NAV2: variants seen among roughly 807,000 people sequenced by gnomAD.
NAV2 encodes the protein helicase, APC down-regulated 1.
In NAV2, 54 loss-of-function variants were observed where a neutral mutation model predicts 223.2. The observed-to-expected ratio is 0.24, with a 90% CI of 0.19 to 0.30. The LOEUF (loss-of-function observed/expected upper bound fraction) is 0.30, where lower values mean the gene tolerates loss of function less well. NAV2 is among the 10% of genes least tolerant of loss of function. NAV2 has a pLI of 1.00. For missense variants in NAV2, 2,806 were observed against 3,147.5 expected, an observed-to-expected ratio of 0.89 and a Z score of 2.60; for synonymous variants, 1,279 against 1,239.3, an observed-to-expected ratio of 1.03 and a Z score of -0.67.
At chr11:19,621,400 T>G (rs866222051) in intron 1 of NAV2, among the ~76,000 whole-genome samples, 13 of 152,324 alleles carry the variant, frequency 8.5e-5, no homozygotes, top group Non-Finnish European at 1.6e-4. Flanking sequence ...TTTTTTTGGT[T>G]GGCAAGCTAG....
At chr11:19,370,217 A>C (rs888745287) in intron 1 of NAV2, among the ~76,000 whole-genome samples, 72 of 152,342 alleles carry the variant, frequency 4.7e-4, no homozygotes, top group African/African-American at 1.6e-3. Flanking sequence ...TGTACTCAAC[A>C]TATTTCCCTG....
chr11:19,614,560 C>G (rs2046738982), intron 1 of NAV2, among the ~76,000 whole-genome samples: 1 of 152,142 alleles, frequency 6.6e-6, no homozygotes, highest in East Asian at 1.9e-4. Context: ...GCAGTTGTTA[C>G]ACTCAATGAA....
rs565288823 is a variant in NAV2 at position 19,456,027 on chromosome 11, G to A, written c.75+105000G>A. Among the ~76,000 whole-genome samples the A allele has an allele frequency of 7.7e-4, 117 of 152,292 alleles. 3 individuals carry two copies. Among genetic ancestry groups the A allele is most frequent in the Non-Finnish European group, 1.2e-4 (8 of 68,022 alleles). ...GGGGGAGGGAAGGAGGCCAAGCCAG[G>A]CAGCACTAGCTTCTTCTGCTATTCA... On this transcript the variant is annotated intron_variant, in intron 1 of 37. Coordinates refer to the NAV2 transcript ENST00000360655.
intron 1 of NAV2, among the ~76,000 whole-genome samples, chr11:19,487,587 G>T (rs2042485679): frequency 6.6e-6 from 1 of 152,186 alleles, no homozygotes; most frequent in Non-Finnish European, 1.5e-5. Context: ...CTTTGGTGAA[G>T]TCAGAAGCCA....
At chr11:19,677,170 T>G (rs2048739245) in intron 1 of NAV2, among the ~76,000 whole-genome samples, 1 of 152,236 alleles carries the variant, frequency 6.6e-6, no homozygotes, top group Non-Finnish European at 1.5e-5. Context: ...GTACTGCCAC[T>G]TGGCACCCTG....
At chr11:19,891,235 G>A (rs2165798) in intron 5 of NAV2, among the ~76,000 whole-genome samples, 125,476 of 152,212 alleles carry the variant, frequency 0.82, 51,934 homozygotes, top group South Asian at 0.87. Context: ...ATTCAGACTT[G>A]TCACTAGATC....
intron 6 of NAV2, among the ~76,000 whole-genome samples, chr11:19,921,630 C>T (rs918427133): frequency 5.9e-5 from 9 of 152,148 alleles, no homozygotes; most frequent in African/African-American, 2.2e-4. Context: ...TTTGAGAGTC[C>T]TGTTTATTGT....
intron 1 of NAV2, among the ~76,000 whole-genome samples, chr11:19,764,159 A>G (rs1046328485): frequency 1.3e-5 from 2 of 152,248 alleles, no homozygotes; most frequent in Non-Finnish European, 2.9e-5. Context: ...TAGGTCTTAG[A>G]GGAAGCATTC....
intron 3 of NAV2, among the ~76,000 whole-genome samples, chr11:19,845,330 C>T (rs1217246766): frequency 6.6e-6 from 1 of 152,038 alleles, no homozygotes; most frequent in Non-Finnish European, 1.5e-5. Context: ...CTAAATATTG[C>T]CTGTTTGGAG....
At chr11:19,441,218 G>C (rs1009910928) in intron 1 of NAV2, among the ~76,000 whole-genome samples, 13 of 152,158 alleles carry the variant, frequency 8.5e-5, no homozygotes, top group African/African-American at 2.9e-4. Flanking sequence ...CTGGACCCTG[G>C]GGATCATCTA....
intron 5 of NAV2, among the ~76,000 whole-genome samples, chr11:19,887,330 C>A (rs754108755): frequency 6.6e-6 from 1 of 151,924 alleles, no homozygotes; most frequent in Non-Finnish European, 1.5e-5. Context: ...TATTGCCTCC[C>A]GGCCTCCCTG....
intron 1 of NAV2, among the ~76,000 whole-genome samples, chr11:19,386,968 A>T (rs1451828368): frequency 6.6e-6 from 1 of 152,148 alleles, no homozygotes; most frequent in African/African-American, 2.4e-5. Flanking sequence ...GGAGCTGCTT[A>T]TCAAGGCTAC....
intron 1 of NAV2, among the ~76,000 whole-genome samples, chr11:19,352,848 G>T (rs1853401790): frequency 6.6e-6 from 1 of 152,122 alleles, no homozygotes; most frequent in Non-Finnish European, 1.5e-5. Flanking sequence ...CAGTTTCTGG[G>T]CTTCTAGAAA....
intron 1 of NAV2, among the ~76,000 whole-genome samples, chr11:19,502,511 G>T (rs1329067915): frequency 6.6e-6 from 1 of 152,112 alleles, no homozygotes; most frequent in African/African-American, 2.4e-5. Context: ...CAGAAAAATG[G>T]GGCTAAGAAT....
chr11:19,459,711 G>C (rs765275719), intron 1 of NAV2, among the ~76,000 whole-genome samples: 1 of 152,180 alleles, frequency 6.6e-6, no homozygotes, highest in Non-Finnish European at 1.5e-5. Flanking sequence ...GAGGATATAG[G>C]GGGTGTCTAC....
chr11:19,450,871 A>G (rs1442824289), intron 1 of NAV2, among the ~76,000 whole-genome samples: 1 of 152,094 alleles, frequency 6.6e-6, no homozygotes, highest in Non-Finnish European at 1.5e-5. Context: ...AAGCCTCCTC[A>G]TTGAAGCCAC....
intron 1 of NAV2, among the ~76,000 whole-genome samples, chr11:19,522,186 C>A (rs1341954740): frequency 6.6e-6 from 1 of 152,212 alleles, no homozygotes; most frequent in Non-Finnish European, 1.5e-5. Flanking sequence ...GCTTGGAAGC[C>A]ACCACACAGC....
At chr11:19,421,830 C>T (rs1382134478) in intron 1 of NAV2, among the ~76,000 whole-genome samples, 3 of 125,386 alleles carry the variant, frequency 2.4e-5, no homozygotes, top group African/African-American at 5.7e-5. Context: ...GACCATTAAC[C>T]CTTATTACAA....
chr11:19,597,994 G>A (rs7930497), intron 1 of NAV2, among the ~76,000 whole-genome samples: 15,626 of 152,280 alleles, frequency 0.1, 2,247 homozygotes, highest in African/African-American at 0.33. Context: ...GAGAGACCAC[G>A]GGGCAGCTGG....
Sources: allele counts gnomAD v4.1 joint callset (sites outside exome capture counted in the v4.1 genomes callset), GRCh38; gene constraint gnomAD v4.1.1; transcripts MANE v1.5; gene names NCBI Gene and HGNC (gene_info 2026-07-23, HGNC 2026-07-21).